Variants in CLUL1 observed in about 807,000 individuals in gnomAD.
The protein encoded by CLUL1 is clusterin-like protein 1.
A neutral mutation model predicts 49.4 loss-of-function variants in CLUL1; 43 were observed. That is an observed-to-expected ratio of 0.87 (90% CI 0.68 to 1.12). The LOEUF is 1.12. Among genes scored for constraint, CLUL1 ranks in the 50% most tolerant of loss-of-function variants. The pLI is 0.00. For synonymous variants in CLUL1, 192 were observed against 184.9 expected (o/e 1.04, Z -0.31); for missense variants, 486 against 544.4 (o/e 0.89, Z 1.07).
intron 7 of CLUL1, among the ~76,000 whole-genome samples, chr18:634,290 C>T (rs985253396): frequency 1.1e-4 from 17 of 151,998 alleles, no homozygotes; most frequent in African/African-American, 4.1e-4. Flanking sequence ...CCACCACGCC[C>T]GGCTAATTTT....
intron 1 of CLUL1, among the ~76,000 whole-genome samples, chr18:604,958 A>G (rs942182448): frequency 6.6e-6 from 1 of 152,212 alleles, no homozygotes; most frequent in Non-Finnish European, 1.5e-5. Flanking sequence ...CACTAGGGAC[A>G]TGTTTAGACA....
intron 2 of CLUL1, among the ~76,000 whole-genome samples, chr18:608,737 A>G (rs575428135): frequency 6.1e-4 from 93 of 152,190 alleles, no homozygotes; most frequent in African/African-American, 2.2e-3. Context: ...AAACAAACAA[A>G]TAAGTATAGT....
Position 615,372 on chromosome 18 carries a change from C to G in CLUL1, c.-13-2616C>G, listed in dbSNP as rs3744969. Among the ~76,000 whole-genome samples the G allele has an allele frequency of 6.6e-5, 10 of 152,286 alleles. No homozygotes were observed. The East Asian group carries it at 1.9e-3, about 29-fold the overall frequency. On this transcript the variant is annotated intron_variant, in intron 2 of 9. Transcript: ENST00000692774. ...AACATGGATTAAAGAAAAAAATCTGCTACTAGGAAGTAAGCCATCTTTCTA... is the reference window on the plus strand; with the variant it reads ...AACATGGATTAAAGAAAAAAATCTGGTACTAGGAAGTAAGCCATCTTTCTA...
intron 6 of CLUL1, 155 bp downstream of exon 6, chr18:627,684 T>TGCG: frequency 5.0e-6 from 3 of 603,838 alleles, no homozygotes; most frequent in Non-Finnish European, 8.6e-6. Context: ...AAAGAAGCTT[T>TGCG]GAAGTCTGCT....
chr18:649,111 T>C (rs900624310), intron 9 of CLUL1, among the ~76,000 whole-genome samples: 1 of 152,242 alleles, frequency 6.6e-6, no homozygotes, highest in African/African-American at 2.4e-5. Flanking sequence ...GTATCATGGA[T>C]AAAATTTTGT....
rs1293831457 is a variant in CLUL1 at position 633,449 on chromosome 18, A to G, written c.994+14A>G. ...ACCTATCTGAAGGTAAATAATTGCTATTTTGTTTTTTATTCTACTTTAAGT... is the reference window on the plus strand; with the variant it reads ...ACCTATCTGAAGGTAAATAATTGCTGTTTTGTTTTTTATTCTACTTTAAGT... On this transcript the variant is annotated intron_variant, in intron 7 of 9. Transcript: ENST00000692774. 1 of 1,607,710 alleles carries G rather than the reference A, an allele frequency of 6.2e-7. No individual in the cohort carries two copies. Among genetic ancestry groups the G allele is most frequent in the Non-Finnish European group, 8.5e-7 (1 of 1,175,736 alleles).
chr18:640,246 C>CA (rs536203021), intron 7 of CLUL1, among the ~76,000 whole-genome samples: 5 of 151,478 alleles, frequency 3.3e-5, no homozygotes, highest in Admixed American at 6.6e-5. Flanking sequence ...CCCGCCTCTA[C>CA]AAAAAAATTA....
chr18:626,927 G>GA (rs1567966636), intron 5 of CLUL1, among the ~76,000 whole-genome samples, 170 bp from the exon 6 acceptor site: 12 of 1,650 alleles, frequency 7.3e-3, no homozygotes, highest in Non-Finnish European at 0.023. Flanking sequence ...AAGAAAGAAA[G>GA]AAGGAAAGAA....
At chr18:604,621 T>C (rs958019736) in intron 1 of CLUL1, among the ~76,000 whole-genome samples, 5 of 152,206 alleles carry the variant, frequency 3.3e-5, no homozygotes, top group Admixed American at 2.6e-4. Flanking sequence ...TAACATAAAC[T>C]ATGAACTTAA....
chr18:602,113 C>T, intron 1 of CLUL1, among the ~76,000 whole-genome samples: 1 of 152,138 alleles, frequency 6.6e-6, no homozygotes, highest in Non-Finnish European at 1.5e-5. Context: ...TTCCTGCCTG[C>T]CTTCCCTAAA....
At chr18:628,776 T>C (rs2073893674) in intron 6 of CLUL1, among the ~76,000 whole-genome samples, 1 of 151,396 alleles carries the variant, frequency 6.6e-6, no homozygotes, top group Non-Finnish European at 1.5e-5. Flanking sequence ...GGATTACAGG[T>C]GCCCGCCACC....
chr18:619,852 G>A (rs898225507), intron 4 of CLUL1, among the ~76,000 whole-genome samples: 1 of 152,046 alleles, frequency 6.6e-6, no homozygotes, highest in Non-Finnish European at 1.5e-5. Context: ...TGGGATTACA[G>A]GCTCCTACCA....
At chr18:645,362 C>T (rs907450699) in intron 9 of CLUL1, 6 of 287,408 alleles carry the variant, frequency 2.1e-5, no homozygotes, top group East Asian at 6.1e-5. Flanking sequence ...TTTTTGAAAG[C>T]TATTTGATTA....
chr18:614,764 T>C (rs1402801783), intron 2 of CLUL1: 1 of 152,250 alleles, frequency 6.6e-6, no homozygotes, highest in Non-Finnish European at 1.5e-5. Flanking sequence ...GTTACATAAC[T>C]GCAGGGACCA....
intron 8 of CLUL1, among the ~76,000 whole-genome samples, chr18:644,555 G>A (rs753979662): frequency 7.9e-5 from 12 of 152,212 alleles, no homozygotes; most frequent in South Asian, 2.1e-4. Flanking sequence ...CCAGTGAAGC[G>A]TGAGCAAAAC....
At chr18:634,737 G>A (rs1455322449) in intron 7 of CLUL1, among the ~76,000 whole-genome samples, 1 of 152,072 alleles carries the variant, frequency 6.6e-6, no homozygotes, top group Non-Finnish European at 1.5e-5. Context: ...AATAGGGAAA[G>A]TGGCTTCTCC....
Position 606,203 on chromosome 18 carries a change from C to T in CLUL1, c.-135-775C>T, listed in dbSNP as rs1232092629. On this transcript the variant is annotated intron_variant, in intron 1 of 9. Transcript: ENST00000692774. This position sits in a 1 kb window ranked among gnomAD's most constrained non-coding sequence, Gnocchi z 4.1. ...CCCCATGCTCCTAGGTCAGGGTCCT[C>T]TCTTGGCATGACACTACCACCACAG... 6.6e-6 allele frequency among the ~76,000 whole-genome samples: 1 copy of T among 152,148 alleles called. No individual in the cohort carries two copies. The highest frequency in any genetic ancestry group is 1.5e-5 in the Non-Finnish European group (1 of 68,026).
At chr18:607,290 G>A (rs1269231995) in intron 2 of CLUL1, among the ~76,000 whole-genome samples, 191 bp downstream of exon 2, 2 of 152,018 alleles carry the variant, frequency 1.3e-5, no homozygotes, top group Admixed American at 1.3e-4. Flanking sequence ...ACCTACGTCC[G>A]GCTAATTTTT....
At chr18:611,697 A>G (rs989365806) in intron 2 of CLUL1, among the ~76,000 whole-genome samples, 1 of 152,224 alleles carries the variant, frequency 6.6e-6, no homozygotes, top group Non-Finnish European at 1.5e-5. Flanking sequence ...CATTTACACA[A>G]AAAGAGATGC....
Sources: allele counts gnomAD v4.1 joint callset (sites outside exome capture counted in the v4.1 genomes callset), GRCh38; gene constraint gnomAD v4.1.1; non-coding constraint Gnocchi (gnomAD v3.1); transcripts MANE v1.5; gene names NCBI Gene and HGNC (gene_info 2026-07-23, HGNC 2026-07-21).